The following PPP2R5E variants were observed in gnomAD, a reference collection of about 807,000 sequenced individuals.
The protein encoded by PPP2R5E is protein phosphatase 2 regulatory subunit B'epsilon, also known as serine/threonine-protein phosphatase 2A 56 kDa regulatory subunit epsilon isoform.
A neutral mutation model predicts 65.3 loss-of-function variants in PPP2R5E; 4 were observed. The observed-to-expected ratio is 0.06, with a 90% confidence interval of 0.03 to 0.14. The LOEUF is 0.14. PPP2R5E is among the 10% of genes least tolerant of loss of function. The pLI, the probability that PPP2R5E is intolerant of heterozygous loss-of-function variation, is 1.00. For synonymous variants in PPP2R5E, 183 were observed against 187.4 expected, an observed-to-expected ratio of 0.98 and a Z score of 0.19; for missense variants, 274 against 556.1, an observed-to-expected ratio of 0.49 and a Z score of 5.10.
At chr14:63,440,866 G>A (rs979961482) in intron 3 of PPP2R5E, among the ~76,000 whole-genome samples, 8 of 149,054 alleles carry the variant, frequency 5.4e-5, no homozygotes, top group East Asian at 2.0e-4. Context: ...GGAGAATGGC[G>A]TGAGCCCGGG....
chr14:63,468,021 A>C (rs1055355418), intron 2 of PPP2R5E, among the ~76,000 whole-genome samples: 1 of 152,248 alleles, frequency 6.6e-6, no homozygotes, highest in Non-Finnish European at 1.5e-5. Context: ...TTAAGAATTA[A>C]GTGAGTACAT....
At chr14:63,455,645 G>T (rs142974416) in intron 2 of PPP2R5E, among the ~76,000 whole-genome samples, 127 of 152,060 alleles carry the variant, frequency 8.4e-4, no homozygotes, top group African/African-American at 2.9e-3. Context: ...ACCTGCTTTG[G>T]GCGTTTAAAA....
intron 2 of PPP2R5E, among the ~76,000 whole-genome samples, chr14:63,476,247 C>G (rs1261885445): frequency 6.6e-6 from 1 of 152,018 alleles, no homozygotes; most frequent in Non-Finnish European, 1.5e-5. Context: ...TCTTTTTCCC[C>G]CCCTTTTGCT....
intron 5 of PPP2R5E, among the ~76,000 whole-genome samples, chr14:63,406,137 C>T (rs1246959972): frequency 6.6e-6 from 1 of 152,150 alleles, no homozygotes; most frequent in Non-Finnish European, 1.5e-5. Context: ...GTTGGCCAGG[C>T]GCAGTGACTC....
chr14:63,446,758 G>A (rs1209659711), intron 3 of PPP2R5E, among the ~76,000 whole-genome samples: 1 of 149,946 alleles, frequency 6.7e-6, no homozygotes, highest in Non-Finnish European at 1.5e-5. Context: ...GAACCCAGGA[G>A]GCAGAGCTTG....
intron 2 of PPP2R5E, among the ~76,000 whole-genome samples, chr14:63,500,282 C>T (rs893773461): frequency 6.6e-6 from 1 of 152,054 alleles, no homozygotes; most frequent in African/African-American, 2.4e-5. Flanking sequence ...GAAACCGACG[C>T]CCTAGATTTA....
chr14:63,493,154 G>C (rs1891364658), intron 2 of PPP2R5E, among the ~76,000 whole-genome samples: 1 of 152,016 alleles, frequency 6.6e-6, no homozygotes, highest in South Asian at 2.1e-4. Context: ...TAACTCCTTT[G>C]TGTAAAGCAC....
intron 5 of PPP2R5E, among the ~76,000 whole-genome samples, chr14:63,409,478 CAT>C (rs1454575322): frequency 1.3e-5 from 2 of 152,234 alleles, no homozygotes; most frequent in South Asian, 2.1e-4. Context: ...GGGCAGATAA[CAT>C]ATGAGGGGGT....
chr14:63,376,196 C>T, intron 13 of PPP2R5E, 88 bp from the exon 14 acceptor site: 1 of 884,574 alleles, frequency 1.1e-6, no homozygotes, highest in Non-Finnish European at 1.7e-6. Flanking sequence ...CCTTAACACT[C>T]CTTTATACTT....
Position 63,447,214 on chromosome 14 carries a change from T to C in PPP2R5E, c.354+6475A>G, listed in dbSNP as rs554481054. 5.9e-5 allele frequency among the ~76,000 whole-genome samples: 9 copies of C among 152,248 alleles called. No homozygotes were observed. In the East Asian group the frequency reaches 1.7e-3, roughly 29 times the overall value. On this transcript the variant is annotated intron_variant, in intron 3 of 13. Coordinates refer to ENST00000337537, the MANE Select transcript of PPP2R5E (RefSeq NM_006246.5). ...GGCACTGATTTCTCCTCTGCAGCTG[T>C]AAAAGTCAGAGATGGTAACATCTTC...
intron 5 of PPP2R5E, among the ~76,000 whole-genome samples, chr14:63,412,819 C>T (rs571694502): frequency 2.7e-4 from 41 of 152,292 alleles, no homozygotes; most frequent in Non-Finnish European, 4.9e-4. Flanking sequence ...TGACCCCTGG[C>T]TTTCAGACTT....
chr14:63,516,398 C>G (rs375787636), intron 2 of PPP2R5E, among the ~76,000 whole-genome samples: 1 of 152,160 alleles, frequency 6.6e-6, no homozygotes, highest in African/African-American at 2.4e-5. Flanking sequence ...TGCAACAAAT[C>G]CATAATTTCA....
At chr14:63,540,130 T>TA (rs749576391) in intron 1 of PPP2R5E, among the ~76,000 whole-genome samples, 2,832 of 117,080 alleles carry the variant, frequency 0.024, 99 homozygotes, top group African/African-American at 0.083. Flanking sequence ...TTCCGTCCTT[T>TA]AAAAAAAAAA....
chr14:63,518,579 TG>T (rs764216031), intron 2 of PPP2R5E, among the ~76,000 whole-genome samples: 74 of 152,316 alleles, frequency 4.9e-4, no homozygotes, highest in Middle Eastern at 3.4e-3. Flanking sequence ...AGAGACTTGA[TG>T]TTTTTTTGTT....
Position 63,433,040 on chromosome 14 carries a change from T to G in PPP2R5E, c.355-10946A>C, listed in dbSNP as rs937948722. On this transcript the variant is annotated intron_variant, in intron 3 of 13. Coordinates refer to ENST00000337537, the MANE Select transcript of PPP2R5E (RefSeq NM_006246.5). The stretch of plus-strand genomic sequence containing the variant: ...GTTTTTTGTTTTGTTTTGTTTTTTT[T>G]TTTTTTTTTTTTTTTGAGACAGGGT... Among the ~76,000 whole-genome samples, 606 of 141,058 alleles carry G rather than the reference T, an allele frequency of 4.3e-3. 5 individuals are homozygous for G. Among genetic ancestry groups the G allele is most frequent in the African/African-American group, 0.014 (502 of 36,400 alleles). The allele number at this position is 141,058 out of a possible 152,430, so 92.5% of individuals were successfully genotyped here.
chr14:63,435,026 T>C (rs1460582037), intron 3 of PPP2R5E, among the ~76,000 whole-genome samples: 3 of 152,202 alleles, frequency 2.0e-5, no homozygotes, highest in Admixed American at 6.5e-5. Flanking sequence ...CAGGAGAGTA[T>C]GTTTACATCA....
intron 2 of PPP2R5E, among the ~76,000 whole-genome samples, chr14:63,502,548 TC>T (rs932423965): frequency 2.6e-5 from 4 of 151,948 alleles, no homozygotes; most frequent in Non-Finnish European, 5.9e-5. Context: ...GTGCCTCTAA[TC>T]CCAGCTACTC....
intron 2 of PPP2R5E, among the ~76,000 whole-genome samples, chr14:63,457,447 A>G (rs1198824375): frequency 6.6e-6 from 1 of 152,184 alleles, no homozygotes; most frequent in Non-Finnish European, 1.5e-5. Flanking sequence ...TAACAACTCA[A>G]AGCTACCCAC....
intron 5 of PPP2R5E, among the ~76,000 whole-genome samples, chr14:63,397,337 A>G (rs1254544659): frequency 6.6e-6 from 1 of 152,082 alleles, no homozygotes; most frequent in Non-Finnish European, 1.5e-5. Flanking sequence ...CCCCGTCTCT[A>G]GTAAAAATAC....
Sources: allele counts gnomAD v4.1 joint callset (sites outside exome capture counted in the v4.1 genomes callset), GRCh38; gene constraint gnomAD v4.1.1; transcripts MANE v1.5; gene names NCBI Gene and HGNC (gene_info 2026-07-23, HGNC 2026-07-21).